The following PLXNA4 variants were observed in gnomAD, a reference collection of about 807,000 sequenced individuals.
PLXNA4 encodes the protein plexin-A4.
PLXNA4 carries 44 observed loss-of-function variants against 191.8 expected under a neutral mutation model. The ratio of observed to expected loss-of-function variants is 0.23; its 90% confidence interval spans 0.18 to 0.29. The LOEUF is 0.29. PLXNA4 is among the 10% of genes least tolerant of loss of function. The pLI is 1.00. For synonymous variants in PLXNA4, 1,082 were observed against 1,009.5 expected (o/e 1.07, Z -1.36); for missense variants, 1,800 against 2,488.8 (o/e 0.72, Z 5.89).
chr7:132,338,424 A>G (rs1042468374), intron 3 of PLXNA4, among the ~76,000 whole-genome samples: 5 of 152,256 alleles, frequency 3.3e-5, no homozygotes, highest in Admixed American at 1.3e-4. Context: ...AGCACACAAA[A>G]AAGAATACCT....
chr7:132,131,190 C>CAGTT (rs1485185369), intron 31 of PLXNA4, among the ~76,000 whole-genome samples: 2 of 152,158 alleles, frequency 1.3e-5, no homozygotes, highest in African/African-American at 2.4e-5. Context: ...TGAAGGCAGG[C>CAGTT]AGTTAGCAGA....
chr7:132,620,401 T>C (rs1226119291), intron 2 of PLXNA4, among the ~76,000 whole-genome samples: 1 of 152,218 alleles, frequency 6.6e-6, no homozygotes, highest in African/African-American at 2.4e-5. Context: ...GTCCAAAATA[T>C]TTGAGTTTTT....
At chr7:132,391,327 G>A (rs188980790) in intron 3 of PLXNA4, among the ~76,000 whole-genome samples, 2 of 152,328 alleles carry the variant, frequency 1.3e-5, no homozygotes, top group Admixed American at 6.5e-5. Flanking sequence ...CTCCCCCATA[G>A]TGACTGGCAA....
Position 132,129,646 on chromosome 7 carries a change from A to T in PLXNA4, c.*833T>A. ...CAAATTCTGCTTCCAGGGTAGATGC[A>T]ACTCTCTTTCCTTTTCTCCCCCTGT... On this transcript the variant is annotated 3_prime_UTR_variant, in exon 32 of 32. Transcript: ENST00000321063. 1 of 152,644 alleles carries T rather than the reference A, an allele frequency of 6.6e-6. No individual in the cohort carries two copies. 9.5% of individuals were successfully genotyped at this position (152,644 alleles called of 1,614,324 possible).
chr7:132,534,511 G>A (rs1466994388), intron 1 of PLXNA4, among the ~76,000 whole-genome samples: 2 of 152,110 alleles, frequency 1.3e-5, no homozygotes, highest in African/African-American at 4.8e-5. Context: ...CCCTGTCCAC[G>A]GGTGCCTGCC....
chr7:132,429,798 C>A (rs1316864019), intron 3 of PLXNA4, among the ~76,000 whole-genome samples: 1 of 152,130 alleles, frequency 6.6e-6, no homozygotes, highest in Admixed American at 6.5e-5. Context: ...GTATTTAGAA[C>A]AAGGCTTGAT....
At chr7:132,496,402 A>G (rs756911458) in intron 2 of PLXNA4, among the ~76,000 whole-genome samples, 2 of 152,014 alleles carry the variant, frequency 1.3e-5, no homozygotes, top group Non-Finnish European at 2.9e-5. Flanking sequence ...AACAAAACAA[A>G]AAAGCCTGAT....
intron 3 of PLXNA4, among the ~76,000 whole-genome samples, chr7:132,467,947 G>A (rs1223590115): frequency 1.3e-5 from 2 of 152,098 alleles, no homozygotes; most frequent in East Asian, 3.9e-4. Context: ...CCCCTCTAAT[G>A]CCATCAGCAG....
chr7:132,368,053 T>G (rs959985896), intron 3 of PLXNA4: 11 of 152,106 alleles, frequency 7.2e-5, no homozygotes, highest in African/African-American at 2.4e-4. Context: ...AAAGGAGCTT[T>G]TTGTGATGAC....
chr7:132,167,638 G>A (rs897329947), intron 22 of PLXNA4, among the ~76,000 whole-genome samples: 1 of 152,088 alleles, frequency 6.6e-6, no homozygotes. Context: ...GGGCTTAAAG[G>A]ATCCTCCTAT....
At chr7:132,228,996 A>G (rs1185291645) in intron 5 of PLXNA4, among the ~76,000 whole-genome samples, 1 of 152,114 alleles carries the variant, frequency 6.6e-6, no homozygotes. Context: ...GCTTCCTCCT[A>G]TGATCTCATA....
At chr7:132,232,851 C>T (rs1798569109) in intron 5 of PLXNA4, among the ~76,000 whole-genome samples, 2 of 152,130 alleles carry the variant, frequency 1.3e-5, no homozygotes, top group African/African-American at 4.8e-5. Context: ...TGCCGCTGGC[C>T]AGGCAAACAA....
intron 3 of PLXNA4, among the ~76,000 whole-genome samples, chr7:132,355,258 G>A (rs767680547): frequency 6.6e-5 from 10 of 152,144 alleles, no homozygotes; most frequent in Non-Finnish European, 1.0e-4. Context: ...CCAGCTTCCC[G>A]TGTCCCAATT....
intron 1 of PLXNA4, among the ~76,000 whole-genome samples, chr7:132,551,524 G>A (rs1354532351): frequency 2.6e-5 from 4 of 152,156 alleles, no homozygotes; most frequent in South Asian, 2.1e-4. Flanking sequence ...TACAGCCAGA[G>A]TAGTGAGTAT....
intron 4 of PLXNA4, among the ~76,000 whole-genome samples, chr7:132,263,940 G>A (rs1054397289): frequency 6.6e-6 from 1 of 152,166 alleles, no homozygotes; most frequent in Non-Finnish European, 1.5e-5. Flanking sequence ...GAGTTCGCCT[G>A]TATCAAGCTT....
At chr7:132,241,303 T>C (rs1798869009) in intron 4 of PLXNA4, 137 bp from the exon 5 acceptor site, 1 of 598,910 alleles carries the variant, frequency 1.7e-6, no homozygotes, top group Admixed American at 2.9e-5. Context: ...GAGCCCAGTG[T>C]GGGAAGGGAA....
At chr7:132,385,156 C>T in intron 3 of PLXNA4, 11 of 1,612,828 alleles carry the variant, frequency 6.8e-6, no homozygotes, top group Non-Finnish European at 9.3e-6. Flanking sequence ...TGACAACACA[C>T]TAAATAAGCC....
intron 3 of PLXNA4, among the ~76,000 whole-genome samples, chr7:132,405,283 G>A (rs959935176): frequency 1.3e-5 from 2 of 152,136 alleles, no homozygotes; most frequent in African/African-American, 4.8e-5. Flanking sequence ...GCAATGCCGA[G>A]TTTTGGGTTC....
At chr7:132,303,258 T>C (rs1801378389) in intron 3 of PLXNA4, among the ~76,000 whole-genome samples, 2 of 151,732 alleles carry the variant, frequency 1.3e-5, no homozygotes, top group Admixed American at 6.6e-5. Context: ...ATTTTTTTTT[T>C]TTTTTTTTTG....
Sources: gnomAD v4.1 joint callset for allele counts (sites outside exome capture counted in the v4.1 genomes callset) on GRCh38, gnomAD v4.1.1 for gene constraint, MANE v1.5 for transcripts, NCBI Gene and HGNC (gene_info 2026-07-23, HGNC 2026-07-21) for gene names.